Variants in MARCHF1 observed in about 807,000 individuals in gnomAD.
MARCHF1 encodes the protein membrane associated ring-CH-type finger 1.
A neutral mutation model predicts 54.2 loss-of-function variants in MARCHF1; 40 were observed. That is an observed-to-expected ratio of 0.74 (90% confidence interval 0.57 to 0.96). The LOEUF (loss-of-function observed/expected upper bound fraction) is 0.96. Ranked by LOEUF, MARCHF1 falls within the 40% of genes least tolerant of loss-of-function variation. The pLI is 0.00. For missense variants in MARCHF1, 586 were observed against 656.5 expected, an observed-to-expected ratio of 0.89 and a Z score of 1.17; for synonymous variants, 236 against 236.3, an observed-to-expected ratio of 1.00 and a Z score of 0.01.
At chr4:163,555,005 G>GC (rs1739236122) in intron 8 of MARCHF1, among the ~76,000 whole-genome samples, 1 of 152,044 alleles carries the variant, frequency 6.6e-6, no homozygotes, top group Non-Finnish European at 1.5e-5. Context: ...AAAGTTTTAA[G>GC]CAAGATATTT....
intron 1 of MARCHF1, among the ~76,000 whole-genome samples, chr4:164,260,536 G>C (rs1421912565): frequency 6.6e-6 from 1 of 152,060 alleles, no homozygotes; most frequent in Admixed American, 6.6e-5. Flanking sequence ...TCCTCCAGGG[G>C]CCTCACATTA....
intron 2 of MARCHF1, among the ~76,000 whole-genome samples, chr4:164,022,135 C>T (rs1475400689): frequency 6.6e-6 from 1 of 152,010 alleles, no homozygotes; most frequent in Non-Finnish European, 1.5e-5. Flanking sequence ...TAGTTAAACC[C>T]CATTGATTGT....
intron 1 of MARCHF1, among the ~76,000 whole-genome samples, chr4:164,382,920 T>A (rs967334358): frequency 2.6e-5 from 4 of 152,206 alleles, no homozygotes; most frequent in African/African-American, 9.7e-5. Context: ...TTTCTGGAAC[T>A]ACTGAATAAC....
intron 7 of MARCHF1, among the ~76,000 whole-genome samples, chr4:163,592,910 G>A (rs1285830954): frequency 6.6e-6 from 1 of 151,982 alleles, no homozygotes; most frequent in Non-Finnish European, 1.5e-5. Flanking sequence ...TAGCCCCTAG[G>A]AGTCCCAGTC....
chr4:163,639,232 T>C (rs997562795), intron 5 of MARCHF1, among the ~76,000 whole-genome samples: 4 of 152,190 alleles, frequency 2.6e-5, no homozygotes, highest in Non-Finnish European at 4.4e-5. Context: ...ATGAGATTTA[T>C]TTCTTTGAGT....
chr4:164,260,743 G>T (rs1337583853), intron 1 of MARCHF1, among the ~76,000 whole-genome samples: 1 of 152,182 alleles, frequency 6.6e-6, no homozygotes. Flanking sequence ...AGTATATGCA[G>T]TATGTGTAGG....
intron 1 of MARCHF1, among the ~76,000 whole-genome samples, chr4:164,291,687 A>G (rs1467769794): frequency 6.6e-6 from 1 of 152,074 alleles, no homozygotes; most frequent in African/African-American, 2.4e-5. Context: ...TGTACTGAAT[A>G]CAGTTGACAT....
chr4:163,901,682 G>T (rs968322201), intron 3 of MARCHF1, among the ~76,000 whole-genome samples: 1 of 152,172 alleles, frequency 6.6e-6, no homozygotes, highest in African/African-American at 2.4e-5. Context: ...TTTACAGCAG[G>T]AATGACATTT....
At chr4:164,030,190 T>C (rs1420467589) in intron 2 of MARCHF1, among the ~76,000 whole-genome samples, 1 of 151,888 alleles carries the variant, frequency 6.6e-6, no homozygotes, top group East Asian at 1.9e-4. Flanking sequence ...ATAATTTTAA[T>C]ATAAAATCAA....
At chr4:163,789,709 C>A (rs1023135284) in intron 4 of MARCHF1, among the ~76,000 whole-genome samples, 5 of 151,836 alleles carry the variant, frequency 3.3e-5, no homozygotes, top group African/African-American at 1.2e-4. Flanking sequence ...GGATGTCTTG[C>A]TTGAAGTAAA....
chr4:163,791,463 A>G (rs959976318), intron 4 of MARCHF1, among the ~76,000 whole-genome samples: 5 of 152,198 alleles, frequency 3.3e-5, no homozygotes, highest in African/African-American at 1.2e-4. Flanking sequence ...ACATATTCAT[A>G]TTAACCTTGC....
At chr4:163,594,815 G>T (rs1740710548) in intron 7 of MARCHF1, among the ~76,000 whole-genome samples, 1 of 151,768 alleles carries the variant, frequency 6.6e-6, no homozygotes, top group Non-Finnish European at 1.5e-5. Context: ...AAATGCTCCT[G>T]AGGATGTGAA....
chr4:164,165,989 G>C (rs1730370081), intron 1 of MARCHF1, among the ~76,000 whole-genome samples: 2 of 151,754 alleles, frequency 1.3e-5, no homozygotes. Context: ...TAAAAGTATA[G>C]AGGCTGAATA....
Position 163,932,637 on chromosome 4 carries a change from T to G in MARCHF1, c.-39+55864A>C, listed in dbSNP as rs552408242. The G allele has an allele frequency of 2.2e-5, 10 of 449,902 alleles. No individual in the cohort carries two copies. In the East Asian group the frequency reaches 3.6e-4, roughly 16 times the overall value. 27.9% of individuals were successfully genotyped at this position (449,902 alleles called of 1,614,324 possible). A position where few individuals can be genotyped will look rare whatever the true frequency, so the allele number is the denominator to read the frequency against. ...GGGCACCGAGCTGTCCTATGAGGAG[T>G]GCAACCTGCTTTCCGTGGCCTACAT... On this transcript the variant is annotated intron_variant, in intron 3 of 9. Coordinates refer to ENST00000514618, the MANE Select transcript of MARCHF1 (RefSeq NM_001394959.1).
At chr4:164,261,839 T>C (rs1203541735) in intron 1 of MARCHF1, among the ~76,000 whole-genome samples, 2 of 152,108 alleles carry the variant, frequency 1.3e-5, no homozygotes, top group Non-Finnish European at 1.5e-5. Flanking sequence ...CTCCCTTCCA[T>C]AAGAATGGAA....
chr4:164,082,872 A>G (rs894244161), intron 2 of MARCHF1, among the ~76,000 whole-genome samples: 2 of 152,168 alleles, frequency 1.3e-5, no homozygotes, highest in African/African-American at 4.8e-5. Context: ...ACAAATCAGC[A>G]CCAGCCATGT....
chr4:163,529,176 T>C, intron 9 of MARCHF1, 130 bp from the exon 10 acceptor site: 1 of 658,274 alleles, frequency 1.5e-6, no homozygotes, highest in East Asian at 2.8e-5. Flanking sequence ...AAATAATATA[T>C]TCTTCATAAC....
chr4:164,218,479 A>T (rs545971568), intron 1 of MARCHF1, among the ~76,000 whole-genome samples: 3 of 152,180 alleles, frequency 2.0e-5, no homozygotes, highest in African/African-American at 7.2e-5. Context: ...AGGAATAGGA[A>T]GAAAATGTGT....
chr4:164,358,975 AT>A (rs1287130929), intron 1 of MARCHF1, among the ~76,000 whole-genome samples: 1 of 152,162 alleles, frequency 6.6e-6, no homozygotes, highest in East Asian at 1.9e-4. Flanking sequence ...GGAAAATATG[AT>A]AATACATTAT....
Sources: allele counts gnomAD v4.1 joint callset (sites outside exome capture counted in the v4.1 genomes callset), GRCh38; gene constraint gnomAD v4.1.1; transcripts MANE v1.5; gene names NCBI Gene and HGNC (gene_info 2026-07-23, HGNC 2026-07-21).